Variants in FAT2 observed in about 807,000 individuals in gnomAD.
FAT2 encodes FAT atypical cadherin 2, also known as protocadherin Fat 2.
A neutral mutation model predicts 295.3 loss-of-function variants in FAT2; 150 were observed. The observed-to-expected ratio is 0.51, with a 90% confidence interval of 0.44 to 0.58. The LOEUF (loss-of-function observed/expected upper bound fraction) is 0.58, where lower values mean the gene tolerates loss of function less well. Ranked by LOEUF, FAT2 falls within the 20% of genes least tolerant of loss-of-function variation. The pLI is 0.00. For synonymous variants in FAT2, 2,026 were observed against 2,150.3 expected (o/e 0.94, Z 1.60); for missense variants, 4,868 against 5,442.7 (o/e 0.89, Z 3.32).
chr5:151,513,607 G>A (rs114869003), intron 20 of FAT2, among the ~76,000 whole-genome samples: 3,898 of 81,844 alleles, frequency 0.048, 189 homozygotes, highest in African/African-American at 0.15. Context: ...GCAGAGGGTG[G>A]GAGAAGGTTA....
rs1382910665 is a variant in FAT2, at chr5:151,551,599, A to G, written c.4164T>C (p.Asp1388=). Reference sequence around the variant, plus strand: ...TCTCAATGTCAAAGTCCATGTCCTTATCCCCACCTAGAGTGGGAGTGGGGA... The same window carrying G: ...TCTCAATGTCAAAGTCCATGTCCTTGTCCCCACCTAGAGTGGGAGTGGGGA... ...GLFWFNISGG[D]KDMDFDIEKT... is the part of the protein sequence containing the mutation. Residue 1388 remains aspartate, a synonymous_variant, in exon 7 of 24, where the codon GAT becomes GAC. Transcript: ENST00000261800. 6.2e-7 allele frequency: 1 copy of G among 1,614,024 alleles called. No homozygotes were observed. Among genetic ancestry groups the G allele is most frequent in the Non-Finnish European group, 8.5e-7 (1 of 1,180,022 alleles).
chr5:151,527,304 G>A lies in FAT2; in HGVS notation c.10238C>T (p.Ala3413Val), dbSNP rs528397748. 28 of 1,613,688 alleles carry A rather than the reference G, an allele frequency of 1.7e-5. 1 individual carries two copies. In the South Asian group the frequency reaches 2.6e-4, roughly 15 times the overall value. ...ATCATTGACATCAGCCACTTGGATA[G>A]CGATGTCTGTGTCCTCATGCAGTGG... ...QPPLHEDTDI[A>V]IQVADVNDNP... Residue 3413 changes from alanine to valine, a missense_variant, in exon 17 of 24, where the codon GCT (alanine) becomes GTT (valine). This residue lies in a region of FAT2 where 1,046 missense variants were observed against 1,210.1 expected (regional missense o/e 0.86). Coordinates refer to ENST00000261800, the MANE Select transcript of FAT2 (RefSeq NM_001447.3).
At position 151,528,029 on chromosome 5, in the gene FAT2, C is replaced by G. The variant is rs747475799; in HGVS notation, c.10131G>C (p.Glu3377Asp). 14 of 1,614,244 alleles carry G rather than the reference C, an allele frequency of 8.7e-6. No individual in the cohort carries two copies. The Middle Eastern group carries it at 6.6e-4, about 76-fold the overall frequency. Residue 3377 changes from glutamate (E) to aspartate (D), a missense_variant, in exon 16 of 24, where the codon GAG becomes GAC. By Grantham distance (45) the Glu-to-Asp change is conservative. Transcript: ENST00000261800. ...GHFTIHPKKG[E>D]LQVAKALDRE... ...GGTCCAGGGCCTTGGCCACCTGTAG[C>G]TCCCCCTTTTTGGGGTGAATGGTGA... is the stretch of plus-strand genomic sequence containing the variant.
chr5:151,528,263 C>G, intron 15 of FAT2, 130 bp from the exon 16 acceptor site: 1 of 1,011,974 alleles, frequency 9.9e-7, no homozygotes, highest in South Asian at 1.7e-5. Flanking sequence ...ACAGTTGTCC[C>G]TGCCAAAGTA....
chr5:151,552,935 G>T (rs1757352088), intron 6 of FAT2, among the ~76,000 whole-genome samples: 1 of 152,214 alleles, frequency 6.6e-6, no homozygotes. Flanking sequence ...CTGAGGCACT[G>T]CCAACTCTGG....
rs1400122743 is a variant in FAT2, at chr5:151,546,269, G to T, written c.4858C>A (p.Gln1620Lys). 6.2e-7 allele frequency: 1 copy of T among 1,614,120 alleles called. No individual in the cohort carries two copies. The highest frequency in any genetic ancestry group is 8.5e-7 in the Non-Finnish European group (1 of 1,180,022). Residue 1620 changes from glutamine (Q) to lysine (K), a missense_variant, in exon 10 of 24, where the codon CAG (glutamine) becomes AAG (lysine). Gln to Lys is a moderately conservative substitution (Grantham distance 53). This residue lies in a region of FAT2 where 3,297 missense variants were observed against 3,669.4 expected (regional missense o/e 0.90). Coordinates refer to ENST00000261800, the MANE Select transcript of FAT2 (RefSeq NM_001447.3). ...AGAGTATGTGGGGCATGATTTGCCT[G>T]ATCAAGCTTTTGAGCTAGAGTAATG... ...GIITLAQKLD[Q>K]ANHAPHTLTV...
At chr5:151,557,803 G>A (rs1158654501) in intron 3 of FAT2, among the ~76,000 whole-genome samples, 2 of 152,192 alleles carry the variant, frequency 1.3e-5, no homozygotes, top group African/African-American at 4.8e-5. Context: ...ATAGGAATGG[G>A]TTAGGGGTCA....
chr5:151,563,748 A>C, intron 2 of FAT2, 109 bp from the exon 3 acceptor site: 2 of 828,676 alleles, frequency 2.4e-6, no homozygotes, highest in Non-Finnish European at 3.8e-6. Context: ...GGTATTAATA[A>C]GTAGATTTTC....
At chr5:151,565,554 T>G in intron 2 of FAT2, 119 bp downstream of exon 2, 1 of 959,988 alleles carries the variant, frequency 1.0e-6, no homozygotes, top group Non-Finnish European at 1.5e-6. Context: ...CCCTATTTAT[T>G]GCCTTTCATT....
rs1231205154 is a variant in FAT2 at position 151,565,983 on chromosome 5, C to T, written c.2949G>A (p.Leu983=). Residue 983 remains leucine, a synonymous_variant, in exon 2 of 24, where the codon CTG becomes CTA. Transcript: ENST00000261800. ...RVDLMTGALI[L]ERELDFERRA... ...GCCTCTCAAAGTCCAGCTCTCTCTCCAGAATGAGCGCCCCTGTCATCAGGT... is the reference window on the plus strand; with the variant it reads ...GCCTCTCAAAGTCCAGCTCTCTCTCTAGAATGAGCGCCCCTGTCATCAGGT... The T allele has an allele frequency of 1.2e-6, 2 of 1,614,084 alleles. No homozygotes were observed. Among genetic ancestry groups the T allele is most frequent in the South Asian group, 2.2e-5 (2 of 91,070 alleles).
Position 151,550,805 on chromosome 5 carries a change from C to T in FAT2, c.4363G>A (p.Val1455Ile), listed in dbSNP as rs759750416. 6.2e-7 allele frequency: 1 copy of T among 1,613,906 alleles called. No homozygotes were observed. Among genetic ancestry groups the T allele is most frequent in the Admixed American group, 1.7e-5 (1 of 60,006 alleles). ...RPQFLETRYE[V>I]RVPQDTVPGV... is the part of the protein sequence containing the mutation. ...GGCACGGTGTCCTGGGGAACTCTGACTTCATAACGAGTTTCCAGAAACTGG... is the reference window on the plus strand; with the variant it reads ...GGCACGGTGTCCTGGGGAACTCTGATTTCATAACGAGTTTCCAGAAACTGG... The change falls in exon 8 of 24, where the codon GTC (valine) becomes ATC (isoleucine). Residue 1455 changes from valine (V) to isoleucine (I), a missense_variant. Physicochemically the swap from Val to Ile is conservative, Grantham distance 29. Coordinates refer to ENST00000261800, the MANE Select transcript of FAT2 (RefSeq NM_001447.3).
At chr5:151,557,624 AT>A (rs1757814046) in intron 3 of FAT2, among the ~76,000 whole-genome samples, 1 of 152,226 alleles carries the variant, frequency 6.6e-6, no homozygotes, top group African/African-American at 2.4e-5. Flanking sequence ...TCATTACATT[AT>A]TCCAACACTG....
chr5:151,558,651 A>G (rs182673818), intron 3 of FAT2, among the ~76,000 whole-genome samples: 32 of 152,080 alleles, frequency 2.1e-4, no homozygotes, highest in African/African-American at 7.5e-4. Flanking sequence ...AGCAGAAATA[A>G]CAACTATTGC....
At position 151,512,128 on chromosome 5, in the gene FAT2, A is replaced by C; in HGVS notation, c.11905+37T>G. ...TTTCCCACCTGAAGAGCCTTCTGGG[A>C]TAAACCCTGGGTTCAGCCTGGCACC... On this transcript the variant is annotated intron_variant, in intron 21 of 23. Coordinates refer to ENST00000261800, the MANE Select transcript of FAT2 (RefSeq NM_001447.3). The surrounding 1 kb of genome is among the most constrained non-coding windows in gnomAD (Gnocchi z 4.1). The C allele has an allele frequency of 6.3e-7, 1 of 1,585,912 alleles. No individual in the cohort carries two copies. Among genetic ancestry groups the C allele is most frequent in the Non-Finnish European group, 8.6e-7 (1 of 1,160,644 alleles).
chr5:151,512,246 T>C lies in FAT2; in HGVS notation c.11824A>G (p.Thr3942Ala). 1 of 1,614,102 alleles carries C rather than the reference T, an allele frequency of 6.2e-7. No individual in the cohort carries two copies. Among genetic ancestry groups the C allele is most frequent in the Middle Eastern group, 1.6e-4 (1 of 6,062 alleles). Residue 3942 changes from threonine (T) to alanine (A), a missense_variant, in exon 21 of 24, where the codon ACC becomes GCC. Coordinates refer to ENST00000261800, the MANE Select transcript of FAT2 (RefSeq NM_001447.3). This position sits in a 1 kb window ranked among gnomAD's most constrained non-coding sequence, Gnocchi z 4.1. ...TAGTCACTGTGGAGGCAGCACTGGG[T>C]GAGGGCTTGTGTCTCCAGCAAGCCT... The part of the protein sequence containing the change: ...VAGLLETQAL[T>A]QCCLHSDYCS...
rs1757392793 is a variant in FAT2, at chr5:151,553,399, C to G, written c.3946-12G>C. On this transcript the variant is annotated splice_polypyrimidine_tract_variant and intron_variant, in intron 5 of 23. Coordinates refer to ENST00000261800, the MANE Select transcript of FAT2 (RefSeq NM_001447.3). ...TCTGTTGCCTTGATCTGAAAGGAGG[C>G]CAACACCAAAACTGAGGTTTGGGGC... 6.2e-7 allele frequency: 1 copy of G among 1,612,948 alleles called. No individual in the cohort carries two copies.
intron 11 of FAT2, among the ~76,000 whole-genome samples, chr5:151,538,424 C>T (rs541131616): frequency 1.3e-5 from 2 of 152,310 alleles, no homozygotes; most frequent in African/African-American, 4.8e-5. Flanking sequence ...GACCGTATCC[C>T]CAGGACAGAC....
chr5:151,522,654 C>T (rs909943785), intron 18 of FAT2, among the ~76,000 whole-genome samples: 1 of 152,216 alleles, frequency 6.6e-6, no homozygotes, highest in Non-Finnish European at 1.5e-5. Context: ...AGGAAATAAA[C>T]AGAGACCTAA....
intron 1 of FAT2, among the ~76,000 whole-genome samples, chr5:151,584,618 C>T (rs746324163): frequency 3.9e-5 from 6 of 152,196 alleles, no homozygotes; most frequent in Admixed American, 6.5e-5. Context: ...ATTATAGCAC[C>T]TAGCACTTAG....
Sources: gnomAD v4.1 joint callset for allele counts (sites outside exome capture counted in the v4.1 genomes callset) on GRCh38, gnomAD v4.1.1 for gene constraint, gnomAD v4.1.1 regional missense constraint, Gnocchi (gnomAD v3.1) non-coding constraint, MANE v1.5 for transcripts, NCBI Gene and HGNC (gene_info 2026-07-23, HGNC 2026-07-21) for gene names.